AASS: variants seen among roughly 807,000 people sequenced by gnomAD.
AASS encodes aminoadipate-semialdehyde synthase.
In AASS, 86 loss-of-function variants were observed where a neutral mutation model predicts 105.4. The observed-to-expected ratio is 0.82, with a 90% CI of 0.69 to 0.98. AASS has a LOEUF of 0.98. AASS is among the 50% of genes least tolerant of loss of function. The pLI, the probability that AASS is intolerant of heterozygous loss-of-function variation, is 0.00. For missense variants in AASS, 1,048 were observed against 1,143.2 expected (o/e 0.92, Z 1.20); for synonymous variants, 381 against 394.8 (o/e 0.96, Z 0.41).
chr7:122,133,484 T>C, intron 2 of AASS, 33 bp downstream of exon 2: 1 of 1,609,532 alleles, frequency 6.2e-7, no homozygotes, highest in Non-Finnish European at 8.5e-7. Flanking sequence ...CAGGTTCATT[T>C]TATTCTCACA....
chr7:122,087,234 G>A (rs1279105021), intron 18 of AASS, among the ~76,000 whole-genome samples: 1 of 152,164 alleles, frequency 6.6e-6, no homozygotes, highest in Non-Finnish European at 1.5e-5. Context: ...CTTATTAGTA[G>A]ATGGGTTCTG....
At chr7:122,118,660 T>A in intron 4 of AASS, 30 bp from the exon 5 acceptor site, 6 of 1,605,810 alleles carry the variant, frequency 3.7e-6, no homozygotes, top group Non-Finnish European at 5.1e-6. Context: ...ATAGAAAGAC[T>A]ATTAGTTGGG....
rs1195148923 is a variant in AASS, at chr7:122,093,130, CA to C, written c.1683del (p.Val562TrpfsTer22). 1.2e-6 allele frequency: 2 copies of C among 1,613,746 alleles called. No homozygotes were observed. Among genetic ancestry groups the C allele is most frequent in the Non-Finnish European group, 1.7e-6 (2 of 1,179,838 alleles). On this transcript the variant is annotated frameshift_variant, in exon 16 of 24. Transcript: ENST00000417368. LOFTEE classifies it high-confidence loss of function. ...ISLLPYVLHP[L>X]VAKACITNKV... ...TTGTTTGTGATGCAGGCCTTGGCCACAAGAGGGTGCAATACATAAGGCAACA... is the reference window on the plus strand; with the variant it reads ...TTGTTTGTGATGCAGGCCTTGGCCACAGAGGGTGCAATACATAAGGCAACA...
rs761137343 is a variant in AASS, at chr7:122,092,881, T to C, written c.1837A>G (p.Met613Val). 1.2e-6 allele frequency: 2 copies of C among 1,613,954 alleles called. No homozygotes were observed. Among genetic ancestry groups the C allele is most frequent in the African/African-American group, 1.3e-5 (1 of 75,038 alleles). The change falls in exon 17 of 24, where the codon ATG becomes GTG. Residue 613 changes from methionine to valine, a missense_variant. By Grantham distance (21) the Met-to-Val change is conservative. Coordinates refer to ENST00000417368, the MANE Select transcript of AASS (RefSeq NM_005763.4). ...LDPGLDHMLAMETIDKAKEVG... is the reference protein window; with the variant it reads ...LDPGLDHMLAVETIDKAKEVG... The stretch of plus-strand genomic sequence containing the variant: ...TCCTTGGCTTTATCTATTGTTTCCA[T>C]TGCTAACATGTGATCCAGACCAGGG...
Position 122,086,035 on chromosome 7 carries a change from AC to A in AASS, c.2160del (p.Leu720PhefsTer6). ...EIYGISSAHTLLRGTLRYKGY... is the reference protein window; with the variant it reads ...EIYGISSAHTXLRGTLRYKGY... ...ACCTTATATCTCAGTGTCCCCCGCA[AC>A]AAAGTGTGAGCAGAAGAAATGCCAT... On this transcript the variant is annotated frameshift_variant, in exon 19 of 24. Transcript: ENST00000417368. LOFTEE classifies it high-confidence loss of function. 6.2e-7 allele frequency: 1 copy of A among 1,613,690 alleles called. No homozygotes were observed. Among genetic ancestry groups the A allele is most frequent in the African/African-American group, 1.3e-5 (1 of 75,024 alleles).
intron 18 of AASS, among the ~76,000 whole-genome samples, chr7:122,088,963 G>A (rs1793766764): frequency 6.6e-6 from 1 of 152,070 alleles, no homozygotes; most frequent in Non-Finnish European, 1.5e-5. Context: ...AATAGTACAA[G>A]TGGCTAGAAA....
chr7:122,113,526 A>G, intron 10 of AASS, 72 bp downstream of exon 10: 1 of 1,568,490 alleles, frequency 6.4e-7, no homozygotes, highest in Non-Finnish European at 8.7e-7. Context: ...GATGTAAAAT[A>G]CTGAGAATTT....
At chr7:122,099,162 C>T (rs1298303170) in intron 13 of AASS, among the ~76,000 whole-genome samples, 2 of 151,870 alleles carry the variant, frequency 1.3e-5, no homozygotes, top group African/African-American at 4.8e-5. Flanking sequence ...TAGTGAGGTG[C>T]AGATGCTGGA....
intron 19 of AASS, chr7:122,082,910 C>A (rs1232530217): frequency 4.1e-6 from 5 of 1,233,270 alleles, no homozygotes; most frequent in Non-Finnish European, 5.3e-6. Flanking sequence ...GAACAAATGG[C>A]TGGATAAATA....
At chr7:122,089,095 T>C (rs1342269206) in intron 18 of AASS, among the ~76,000 whole-genome samples, 2 of 152,046 alleles carry the variant, frequency 1.3e-5, no homozygotes, top group South Asian at 2.1e-4. Context: ...TTTCCCATTA[T>C]GATTCTGTGA....
chr7:122,138,242 C>T (rs1176460823), intron 1 of AASS, among the ~76,000 whole-genome samples: 2 of 152,078 alleles, frequency 1.3e-5, no homozygotes, highest in African/African-American at 4.8e-5. Flanking sequence ...TAGTGAATTG[C>T]AGCGAGATAC....
chr7:122,077,802 C>G, intron 23 of AASS, 36 bp downstream of exon 23: 1 of 1,613,830 alleles, frequency 6.2e-7, no homozygotes, highest in African/African-American at 1.3e-5. Flanking sequence ...GGAGGTGAAA[C>G]AGAAACAGGC....
rs1253901354 is a variant in AASS at position 122,118,465 on chromosome 7, C to T, written c.541-12G>A. 7 of 1,614,122 alleles carry T rather than the reference C, an allele frequency of 4.3e-6. No individual in the cohort carries two copies. The highest frequency in any genetic ancestry group is 2.2e-5 in the South Asian group (2 of 91,086). On this transcript the variant is annotated splice_polypyrimidine_tract_variant and intron_variant, in intron 5 of 23. Transcript: ENST00000417368. ...GCCATGCCAATGTGCTGAAAACAAA[C>T]ATACACAACTCAAGTTAGTCCACCA...
chr7:122,077,460 A>G (rs901449577), intron 23 of AASS, among the ~76,000 whole-genome samples: 2 of 152,214 alleles, frequency 1.3e-5, no homozygotes, highest in African/African-American at 4.8e-5. Context: ...GAAGGAAGTT[A>G]CCATTCCCTG....
chr7:122,123,088 T>C (rs1010296070), intron 4 of AASS, among the ~76,000 whole-genome samples: 12 of 152,334 alleles, frequency 7.9e-5, no homozygotes, highest in African/African-American at 1.7e-4. Context: ...CAGTTTTCCA[T>C]AGAGTTCCCT....
At position 122,086,028 on chromosome 7, in the gene AASS, C is replaced by A; in HGVS notation, c.2168G>T (p.Gly723Val). ...GCTGCTTACCTTATATCTCAGTGTC[C>A]CCCGCAACAAAGTGTGAGCAGAAGA... ...GISSAHTLLR[G>V]TLRYKGYMKA... Residue 723 changes from glycine (G) to valine (V), a missense_variant, in exon 19 of 24, where the codon GGG becomes GTG. Gly to Val is a moderately radical substitution (Grantham distance 109). Transcript: ENST00000417368. 1 of 1,613,424 alleles carries A rather than the reference C, an allele frequency of 6.2e-7. No individual in the cohort carries two copies. Among genetic ancestry groups the A allele is most frequent in the Non-Finnish European group, 8.5e-7 (1 of 1,179,684 alleles).
At position 122,076,564 on chromosome 7, in the gene AASS, C is replaced by T; in HGVS notation, c.2706G>A (p.Glu902=). The T allele has an allele frequency of 6.2e-7, 1 of 1,613,914 alleles. No homozygotes were observed. Among genetic ancestry groups the T allele is most frequent in the South Asian group, 1.1e-5 (1 of 91,078 alleles). ...TTCGCTCCAATATTGGTCCATAGAT[C>T]TCCTTTGAAAAGGGCCCCATTAGGC... ...AKGLMGPFSK[E]IYGPILERIK... Residue 902 remains glutamate, a synonymous_variant, in exon 24 of 24, where the codon GAG becomes GAA. Transcript: ENST00000417368.
At chr7:122,111,322 C>T (rs992443490) in intron 11 of AASS, among the ~76,000 whole-genome samples, 7 of 151,948 alleles carry the variant, frequency 4.6e-5, no homozygotes, top group Non-Finnish European at 8.8e-5. Flanking sequence ...AATAGAACAT[C>T]GGAAATTAAA....
chr7:122,133,430 G>A (rs1795997648), intron 2 of AASS, 87 bp downstream of exon 2: 1 of 1,402,322 alleles, frequency 7.1e-7, no homozygotes, highest in Non-Finnish European at 1.0e-6. Flanking sequence ...AGTGACACTA[G>A]CAAACATTTT....
Sources: gnomAD v4.1 joint callset for allele counts (sites outside exome capture counted in the v4.1 genomes callset) on GRCh38, gnomAD v4.1.1 for gene constraint, MANE v1.5 for transcripts, NCBI Gene and HGNC (gene_info 2026-07-23, HGNC 2026-07-21) for gene names.